The following SGCZ variants were observed in gnomAD, a reference collection of about 807,000 sequenced individuals.
SGCZ encodes zeta-sarcoglycan.
In SGCZ, 40 loss-of-function variants were observed where a neutral mutation model predicts 41.3. That is an observed-to-expected ratio of 0.97 (90% CI 0.75 to 1.26). The LOEUF (loss-of-function observed/expected upper bound fraction) is 1.26. Ranked by LOEUF, SGCZ falls within the 50% of genes most tolerant of loss-of-function variation. The pLI, the probability that SGCZ is intolerant of heterozygous loss-of-function variation, is 0.00. For missense variants in SGCZ, 552 were observed against 369.8 expected, an observed-to-expected ratio of 1.49 and a Z score of -4.04; for synonymous variants, 206 against 137.5, an observed-to-expected ratio of 1.50 and a Z score of -3.49.
At chr8:14,915,264 CT>C (rs1296389451) in intron 1 of SGCZ, among the ~76,000 whole-genome samples, 1 of 152,086 alleles carries the variant, frequency 6.6e-6, no homozygotes, top group Non-Finnish European at 1.5e-5. Context: ...TGTATATATG[CT>C]GTTATGGTAA....
chr8:14,595,003 AT>A (rs1488599069), intron 1 of SGCZ, among the ~76,000 whole-genome samples: 5 of 151,794 alleles, frequency 3.3e-5, no homozygotes, highest in Non-Finnish European at 2.9e-5. Flanking sequence ...TATATTTTAT[AT>A]TTTTTTCTGT....
chr8:14,361,062 C>CT (rs1803494600), intron 2 of SGCZ, among the ~76,000 whole-genome samples: 1 of 152,154 alleles, frequency 6.6e-6, no homozygotes, highest in Non-Finnish European at 1.5e-5. Flanking sequence ...TTTCCATGTG[C>CT]TTTTTTGCCA....
intron 1 of SGCZ, among the ~76,000 whole-genome samples, chr8:14,765,251 A>T (rs1364103556): frequency 1.3e-5 from 2 of 152,210 alleles, no homozygotes; most frequent in Admixed American, 1.3e-4. Flanking sequence ...GACTCATAAA[A>T]GAAGCTGAAA....
At chr8:14,712,903 G>C (rs565172529) in intron 1 of SGCZ, among the ~76,000 whole-genome samples, 1 of 151,898 alleles carries the variant, frequency 6.6e-6, no homozygotes, top group Non-Finnish European at 1.5e-5. Context: ...ATGTGACCTG[G>C]TTTTTAAACA....
intron 2 of SGCZ, among the ~76,000 whole-genome samples, chr8:14,544,813 G>C (rs1203233732): frequency 6.6e-6 from 1 of 152,076 alleles, no homozygotes; most frequent in Non-Finnish European, 1.5e-5. Context: ...TTTGCCCTTT[G>C]CCTTGTGATC....
chr8:14,696,652 A>G (rs1226382156), intron 1 of SGCZ, among the ~76,000 whole-genome samples: 1 of 152,010 alleles, frequency 6.6e-6, no homozygotes, highest in Non-Finnish European at 1.5e-5. Context: ...TCTTCTGCTT[A>G]TCTGGCTTTT....
At chr8:15,218,750 TGGATA>T (rs2117178796) in intron 1 of SGCZ, among the ~76,000 whole-genome samples, 2 of 152,354 alleles carry the variant, frequency 1.3e-5, no homozygotes, top group South Asian at 4.1e-4. Flanking sequence ...GACGCATGGA[TGGATA>T]GTTCTGTGTG....
chr8:14,563,136 G>A (rs545425958), intron 1 of SGCZ, among the ~76,000 whole-genome samples: 1 of 152,106 alleles, frequency 6.6e-6, no homozygotes, highest in South Asian at 2.1e-4. Flanking sequence ...ACTGAGTGTC[G>A]CCTCCTCCAC....
At chr8:15,220,069 G>T (rs958118107) in intron 1 of SGCZ, among the ~76,000 whole-genome samples, 2 of 152,050 alleles carry the variant, frequency 1.3e-5, no homozygotes, top group African/African-American at 2.4e-5. Context: ...AACAGATATG[G>T]ATCTTAAAAT....
intron 1 of SGCZ, among the ~76,000 whole-genome samples, chr8:14,893,543 T>C (rs920472153): frequency 2.0e-5 from 3 of 152,208 alleles, no homozygotes; most frequent in African/African-American, 7.2e-5. Context: ...TTTTAATGTA[T>C]GTATGCTAGA....
chr8:14,906,990 C>A (rs1233494176), intron 1 of SGCZ, among the ~76,000 whole-genome samples: 1 of 152,084 alleles, frequency 6.6e-6, no homozygotes, highest in Non-Finnish European at 1.5e-5. Flanking sequence ...AATTCAATAA[C>A]CTTAAATCAT....
chr8:14,770,811 C>T (rs1418621067), intron 1 of SGCZ, among the ~76,000 whole-genome samples: 1 of 151,942 alleles, frequency 6.6e-6, no homozygotes, highest in African/African-American at 2.4e-5. Context: ...AAAAAGTGCT[C>T]TCTTAAAGGC....
At chr8:14,592,091 T>C (rs1805259535) in intron 1 of SGCZ, among the ~76,000 whole-genome samples, 1 of 152,192 alleles carries the variant, frequency 6.6e-6, no homozygotes, top group African/African-American at 2.4e-5. Flanking sequence ...AAAATGTCAA[T>C]GCCAGGAAAA....
intron 2 of SGCZ, among the ~76,000 whole-genome samples, chr8:14,333,655 C>G (rs558471394): frequency 1.5e-3 from 226 of 152,208 alleles, no homozygotes; most frequent in Non-Finnish European, 2.7e-3. Flanking sequence ...GTGTCTAATA[C>G]AGAGGTCTCC....
intron 2 of SGCZ, among the ~76,000 whole-genome samples, chr8:14,370,034 C>A (rs1367677135): frequency 6.6e-6 from 1 of 151,912 alleles, no homozygotes; most frequent in Non-Finnish European, 1.5e-5. Context: ...TGTACCAATT[C>A]ACTCTTTAAA....
In SGCZ at chr8:14,808,956, C is replaced by G. The variant is rs1269660306; in HGVS notation, c.40-254030G>C. Reference sequence around the variant, plus strand: ...GGACATGGATGAAATTGGAAATCATCATTCTCAGTAAACTATCGCAAGAAC... The same window carrying G: ...GGACATGGATGAAATTGGAAATCATGATTCTCAGTAAACTATCGCAAGAAC... On this transcript the variant is annotated intron_variant, in intron 1 of 7. Transcript: ENST00000382080. Among the ~76,000 whole-genome samples the G allele has an allele frequency of 5.9e-5, 9 of 151,404 alleles. No homozygotes were observed. The East Asian group carries it at 9.8e-4, about 16-fold the overall frequency.
intron 1 of SGCZ, among the ~76,000 whole-genome samples, chr8:15,014,306 C>T (rs554500493): frequency 1.3e-5 from 2 of 152,156 alleles, no homozygotes; most frequent in African/African-American, 2.4e-5. Flanking sequence ...GTGGTGTCAG[C>T]CCCCCAAGGC....
At chr8:15,187,305 A>C (rs905695114) in intron 1 of SGCZ, among the ~76,000 whole-genome samples, 14 of 152,140 alleles carry the variant, frequency 9.2e-5, no homozygotes, top group African/African-American at 3.1e-4. Flanking sequence ...TCAAACGAAG[A>C]AACTCATGAA....
chr8:15,088,779 A>G (rs1374002314), intron 1 of SGCZ, among the ~76,000 whole-genome samples: 1 of 152,166 alleles, frequency 6.6e-6, no homozygotes, highest in Admixed American at 6.6e-5. Flanking sequence ...CCATCAGTGT[A>G]TCATAAAACA....
Sources: allele counts gnomAD v4.1 joint callset (sites outside exome capture counted in the v4.1 genomes callset), GRCh38; gene constraint gnomAD v4.1.1; transcripts MANE v1.5; gene names NCBI Gene and HGNC (gene_info 2026-07-23, HGNC 2026-07-21).